Variants in RRBP1 observed in about 807,000 individuals in gnomAD.
RRBP1 encodes ribosome-binding protein 1.
A neutral mutation model predicts 165.2 loss-of-function variants in RRBP1; 94 were observed. The ratio of observed to expected loss-of-function variants is 0.57; its 90% CI spans 0.48 to 0.68. The LOEUF is 0.68. RRBP1 is among the 30% of genes least tolerant of loss of function. RRBP1 has a pLI of 0.00. For missense variants in RRBP1, 1,676 were observed against 1,763.0 expected (o/e 0.95, Z 0.88); for synonymous variants, 680 against 714.5 (o/e 0.95, Z 0.77).
In RRBP1 at chr20:17,621,618, G is replaced by T. The variant is rs1256048899; in HGVS notation, c.3325-71C>A. ...TCTTCTCTTGGCTTCCCGTTGAAATGACTTGGGGCAGCCCCTCTTCCTGGG... is the reference window on the plus strand; with the variant it reads ...TCTTCTCTTGGCTTCCCGTTGAAATTACTTGGGGCAGCCCCTCTTCCTGGG... On this transcript the variant is annotated intron_variant, in intron 15 of 24. Transcript: ENST00000377813. The T allele has an allele frequency of 1.3e-6, 2 of 1,588,374 alleles. No individual in the cohort carries two copies. Among genetic ancestry groups the T allele is most frequent in the East Asian group, 4.5e-5 (2 of 44,582 alleles).
At chr20:17,667,301 A>C (rs2036891295) in intron 2 of RRBP1, among the ~76,000 whole-genome samples, 1 of 152,138 alleles carries the variant, frequency 6.6e-6, no homozygotes, top group Admixed American at 6.5e-5. Context: ...ATTTCGATAC[A>C]ATTTAACAAC....
At chr20:17,614,996 C>T (rs1004121094) in intron 23 of RRBP1, 116 bp from the exon 24 acceptor site, 2 of 1,163,798 alleles carry the variant, frequency 1.7e-6, no homozygotes, top group African/African-American at 3.1e-5. Flanking sequence ...ACAAGGAAGG[C>T]AACTCCTGGT....
chr20:17,639,669 G>C (rs1022515942), intron 5 of RRBP1, among the ~76,000 whole-genome samples: 1 of 152,122 alleles, frequency 6.6e-6, no homozygotes, highest in Admixed American at 6.5e-5. Flanking sequence ...CGAGGTGGGC[G>C]GATCACCTGA....
chr20:17,614,326 A>C, intron 24 of RRBP1, 106 bp from the exon 25 acceptor site: 1 of 1,061,724 alleles, frequency 9.4e-7, no homozygotes, highest in Non-Finnish European at 1.4e-6. Context: ...TGACCCCCTC[A>C]AGCCACTCCA....
rs1271947770 is a variant in RRBP1 at position 17,660,123 on chromosome 20, G to T, written c.385C>A (p.Gln129Lys). 1.9e-6 allele frequency: 3 copies of T among 1,614,138 alleles called. No homozygotes were observed. The South Asian group carries it at 3.3e-5, about 18-fold the overall frequency. ...TTGGGGGAGGAGGCCAGCTTCTCCT[G>T]GGGCATGGCTGGAACTGTGGCGACA... ...APVATVPAMP[Q>K]EKLASSPKDK... The change falls in exon 3 of 25, where the codon CAG becomes AAG. Residue 129 changes from glutamine (Q) to lysine (K), a missense_variant. This residue lies in a region of RRBP1 where 392 missense variants were observed against 382.5 expected (regional missense o/e 1.02). Transcript: ENST00000377813.
chr20:17,658,774 T>A lies in RRBP1; in HGVS notation c.1734A>T (p.Lys578Asn). ...KKAEGSPSEG[K>N]KAEGSPNQGK... The stretch of plus-strand genomic sequence containing the variant: ...CTTGGTTGGGGGACCCTTCTGCCTT[T>A]TTGCCTTCACTGGGGGACCCTTCTG... Residue 578 changes from lysine (K) to asparagine (N), a missense_variant, in exon 3 of 25, where the codon AAA becomes AAT. Around this residue, in one of 5 missense-constraint regions of RRBP1, gnomAD observed 1,184 missense variants for 1,167.1 expected, o/e 1.01. Coordinates refer to ENST00000377813, the MANE Select transcript of RRBP1 (RefSeq NM_001365613.2). 6.2e-7 allele frequency: 1 copy of A among 1,613,976 alleles called. No homozygotes were observed. Among genetic ancestry groups the A allele is most frequent in the Non-Finnish European group, 8.5e-7 (1 of 1,179,884 alleles).
chr20:17,625,822 C>A (rs1395967247), intron 11 of RRBP1, among the ~76,000 whole-genome samples: 1 of 152,144 alleles, frequency 6.6e-6, no homozygotes, highest in Non-Finnish European at 1.5e-5. Flanking sequence ...AGCACTGACC[C>A]CAGAGCTGTC....
At chr20:17,642,447 T>C (rs1410884337) in intron 4 of RRBP1, among the ~76,000 whole-genome samples, 1 of 152,100 alleles carries the variant, frequency 6.6e-6, no homozygotes, top group Non-Finnish European at 1.5e-5. Context: ...GTGACCCCAC[T>C]GGCCTCAGGG....
Position 17,658,801 on chromosome 20 carries a change from T to A in RRBP1, c.1707A>T (p.Lys569Asn). 6.2e-7 allele frequency: 1 copy of A among 1,613,994 alleles called. No individual in the cohort carries two copies. Among genetic ancestry groups the A allele is most frequent in the Non-Finnish European group, 8.5e-7 (1 of 1,179,902 alleles). The stretch of plus-strand genomic sequence containing the variant: ...TGCCTTCACTGGGGGACCCTTCTGC[T>A]TTTTTCCCCTGGTTTGTAATACCCT... The part of the protein sequence containing the change: ...KVEGITNQGK[K>N]AEGSPSEGKK... Residue 569 changes from lysine to asparagine, a missense_variant, in exon 3 of 25, where the codon AAA (lysine) becomes AAT (asparagine). Transcript: ENST00000377813.
Position 17,636,585 on chromosome 20 carries a change from G to A in RRBP1, c.2329C>T (p.Gln777Ter). The A allele has an allele frequency of 6.2e-7, 1 of 1,611,552 alleles. No homozygotes were observed. Among genetic ancestry groups the A allele is most frequent in the Non-Finnish European group, 8.5e-7 (1 of 1,179,946 alleles). ...REHVKEVQQL[Q>*]GKIRTLQEQL... is the part of the protein sequence containing the mutation. ...CCAGCCACTACACCCACCTTGCCCT[G>A]CAGCTGCTGCACCTCCTTCACGTGC... The change falls in exon 6 of 25, where the codon CAG becomes TAG. Residue 777 changes from glutamine (Q) to a stop codon, truncating the protein, a stop_gained. Coordinates refer to ENST00000377813, the MANE Select transcript of RRBP1 (RefSeq NM_001365613.2). LOFTEE classifies it high-confidence loss of function.
chr20:17,643,124 G>A lies in RRBP1; in HGVS notation c.1916C>T (p.Pro639Leu), dbSNP rs764632270. Reference protein sequence around the residue: ...SGSKKKGEPGPPDADGPLYLP... With the variant: ...SGSKKKGEPGLPDADGPLYLP... ...GTAGAGAGGGCCGTCGGCATCTGGG[G>A]GCCCTGTGCAGCAAGAGGGAAAGAG... Residue 639 changes from proline to leucine, a missense_variant, in exon 4 of 25, where the codon CCC (proline) becomes CTC (leucine). Pro to Leu is a moderately conservative substitution (Grantham distance 98). Transcript: ENST00000377813. This position sits in a 1 kb window ranked among gnomAD's most constrained non-coding sequence, Gnocchi z 4.3. The A allele has an allele frequency of 4.2e-5, 67 of 1,613,632 alleles. No individual in the cohort carries two copies. The highest frequency in any genetic ancestry group is 5.3e-5 in the Non-Finnish European group (62 of 1,179,982).
chr20:17,652,178 A>T (rs3790310), intron 3 of RRBP1, among the ~76,000 whole-genome samples: 20,545 of 152,240 alleles, frequency 0.13, 1,627 homozygotes, highest in Middle Eastern at 0.24. Flanking sequence ...TCCTTTCAGA[A>T]GGTCCTGTTT....
rs1413322259 is a variant in RRBP1 at position 17,621,937 on chromosome 20, T to G, written c.3158A>C (p.Glu1053Ala). The G allele has an allele frequency of 6.3e-7, 1 of 1,593,266 alleles. No homozygotes were observed. The highest frequency in any genetic ancestry group is 2.2e-5 in the East Asian group (1 of 44,680). Residue 1053 changes from glutamate (E) to alanine (A), a missense_variant, in exon 14 of 25, where the codon GAG (glutamate) becomes GCG (alanine). Glu to Ala is a moderately radical substitution (Grantham distance 107). Transcript: ENST00000377813. ...CGCCTCAATCAGACAGAGCTGCTTCTCCGATTCCTCCTGGGGGGTGGGTGG... is the reference window on the plus strand; with the variant it reads ...CGCCTCAATCAGACAGAGCTGCTTCGCCGATTCCTCCTGGGGGGTGGGTGG... ...LSLTQAKEESEKQLCLIEAQT... is the reference protein window; with the variant it reads ...LSLTQAKEESAKQLCLIEAQT...
chr20:17,654,378 C>T (rs1353931212), intron 3 of RRBP1, among the ~76,000 whole-genome samples: 1 of 152,236 alleles, frequency 6.6e-6, no homozygotes, highest in Non-Finnish European at 1.5e-5. Flanking sequence ...GACCACGCAA[C>T]TCCAGACACA....
In RRBP1 at chr20:17,618,608, A is replaced by G. The variant is rs776924460; in HGVS notation, c.3747T>C (p.Asp1249=). Reference sequence around the variant, plus strand: ...GGAGGCCACCTACCAGGGCAAGCTCATCGCTCTGTTTCTGGGCTTCGCTCT... The same window carrying G: ...GGAGGCCACCTACCAGGGCAAGCTCGTCGCTCTGTTTCTGGGCTTCGCTCT... ...AAKSEAQKQS[D]ELALVRQQLS... is the part of the protein sequence containing the mutation. Residue 1249 remains aspartate, a synonymous_variant, in exon 20 of 25, where the codon GAT becomes GAC. Coordinates refer to ENST00000377813, the MANE Select transcript of RRBP1 (RefSeq NM_001365613.2). 4 of 1,611,108 alleles carry G rather than the reference A, an allele frequency of 2.5e-6. No individual in the cohort carries two copies. Among genetic ancestry groups the G allele is most frequent in the Non-Finnish European group, 2.5e-6 (3 of 1,177,542 alleles).
At chr20:17,617,336 G>A (rs1462406996) in intron 20 of RRBP1, among the ~76,000 whole-genome samples, 1 of 152,184 alleles carries the variant, frequency 6.6e-6, no homozygotes, top group African/African-American at 2.4e-5. Context: ...CAAACCACTG[G>A]GCCTGCAATT....
intron 20 of RRBP1, among the ~76,000 whole-genome samples, chr20:17,617,992 C>G (rs947526625): frequency 3.3e-5 from 5 of 152,224 alleles, no homozygotes; most frequent in African/African-American, 9.6e-5. Context: ...GACACCTGAG[C>G]TGAACACCAG....
intron 3 of RRBP1, among the ~76,000 whole-genome samples, chr20:17,644,230 C>T (rs1175865590): frequency 6.6e-6 from 1 of 152,156 alleles, no homozygotes; most frequent in Non-Finnish European, 1.5e-5. Flanking sequence ...TATTTTATAA[C>T]TTCTTACCCT....
chr20:17,670,231 G>A (rs984632578), intron 2 of RRBP1, among the ~76,000 whole-genome samples: 3 of 151,916 alleles, frequency 2.0e-5, no homozygotes, highest in African/African-American at 4.8e-5. Flanking sequence ...ATTTTTAAAC[G>A]TTAAACCAAG....
Sources: allele counts gnomAD v4.1 joint callset (sites outside exome capture counted in the v4.1 genomes callset), GRCh38; gene constraint gnomAD v4.1.1; regional missense constraint gnomAD v4.1.1; non-coding constraint Gnocchi (gnomAD v3.1); transcripts MANE v1.5; gene names NCBI Gene and HGNC (gene_info 2026-07-23, HGNC 2026-07-21).